NALCN: variants seen among roughly 807,000 people sequenced by gnomAD.
NALCN encodes sodium leak channel NALCN.
NALCN carries 111 observed loss-of-function variants against 225.3 expected under a neutral mutation model. The observed-to-expected ratio is 0.49, with a 90% CI of 0.42 to 0.58. The LOEUF (loss-of-function observed/expected upper bound fraction) is 0.58, where lower values mean the gene tolerates loss of function less well. Among genes scored for constraint, NALCN ranks in the 20% least tolerant of loss-of-function variants. NALCN has a pLI of 0.00. For synonymous variants in NALCN, 764 were observed against 769.0 expected (o/e 0.99, Z 0.11); for missense variants, 1,378 against 2,202.4 (o/e 0.63, Z 7.49).
chr13:101,313,128 T>C (rs1287313654), intron 7 of NALCN, among the ~76,000 whole-genome samples: 1 of 152,128 alleles, frequency 6.6e-6, no homozygotes, highest in African/African-American at 2.4e-5. Context: ...TGGCTAGCCA[T>C]ATGTAGAAAG....
Position 101,309,139 on chromosome 13 carries a change from T to C in NALCN, c.800-16773A>G, listed in dbSNP as rs374409069. ...AGAAAAAGCATTATACTTTAATTTG[T>C]CCCATTTCAAGGCTTTAAAAATCTT... On this transcript the variant is annotated intron_variant, in intron 7 of 43. Transcript: ENST00000251127. 3.3e-5 allele frequency among the ~76,000 whole-genome samples: 5 copies of C among 152,308 alleles called. 1 individual carries two copies. The highest frequency in any genetic ancestry group is 1.9e-4 in the East Asian group (1 of 5,182).
At chr13:101,407,043 T>G (rs2047645030) in intron 1 of NALCN, among the ~76,000 whole-genome samples, 1 of 152,212 alleles carries the variant, frequency 6.6e-6, no homozygotes, top group Admixed American at 6.5e-5. Context: ...TTACAGAGAT[T>G]GTGCAAGAGC....
In NALCN at chr13:101,055,236, CA is replaced by C; in HGVS notation, c.*58del. 1.5e-6 allele frequency: 2 copies of C among 1,369,638 alleles called. No individual in the cohort carries two copies. The highest frequency in any genetic ancestry group is 2.0e-6 in the Non-Finnish European group (2 of 976,388). 84.8% of individuals were successfully genotyped at this position (1,369,638 alleles called of 1,614,324 possible). On this transcript the variant is annotated 3_prime_UTR_variant, in exon 44 of 44. Transcript: ENST00000251127. The stretch of plus-strand genomic sequence containing the variant: ...AATTACAGATTGCTCACTGGACAAT[CA>C]AGGACATTATTAGAAAACGGTTTCC...
chr13:101,332,038 C>T (rs775642982), intron 7 of NALCN, among the ~76,000 whole-genome samples: 4 of 152,016 alleles, frequency 2.6e-5, no homozygotes, highest in African/African-American at 9.7e-5. Context: ...CAACTGAACC[C>T]GCCCATTGTG....
chr13:101,371,270 A>G (rs1450577355), intron 6 of NALCN, among the ~76,000 whole-genome samples: 1 of 152,092 alleles, frequency 6.6e-6, no homozygotes. Flanking sequence ...AAATACCTGG[A>G]GTGGAATAAA....
At chr13:101,061,834 C>T in intron 41 of NALCN, 134 bp downstream of exon 41, 2 of 773,748 alleles carry the variant, frequency 2.6e-6, no homozygotes, top group Non-Finnish European at 4.0e-6. Flanking sequence ...AGGTAGTGGA[C>T]ATAGTTTAAA....
intron 13 of NALCN, among the ~76,000 whole-genome samples, chr13:101,221,360 G>A (rs879806966): frequency 4.0e-5 from 6 of 151,822 alleles, no homozygotes; most frequent in Admixed American, 2.0e-4. Context: ...CTCATGATCC[G>A]CCCACCTCAG....
intron 13 of NALCN, among the ~76,000 whole-genome samples, chr13:101,192,353 A>C (rs986484021): frequency 5.3e-5 from 8 of 152,192 alleles, no homozygotes; most frequent in Non-Finnish European, 1.2e-4. Context: ...TTTTGCCGTT[A>C]ATTTTTTTCC....
chr13:101,313,177 T>C (rs2044416614), intron 7 of NALCN, among the ~76,000 whole-genome samples: 1 of 151,970 alleles, frequency 6.6e-6, no homozygotes, highest in Admixed American at 6.6e-5. Flanking sequence ...ATACAAAAAT[T>C]AATTCAAGAT....
At chr13:101,382,837 G>T (rs2046888309) in intron 3 of NALCN, among the ~76,000 whole-genome samples, 1 of 152,094 alleles carries the variant, frequency 6.6e-6, no homozygotes, top group Non-Finnish European at 1.5e-5. Flanking sequence ...GAAACATATA[G>T]TGGCATTCCT....
At chr13:101,314,270 C>A (rs1301545924) in intron 7 of NALCN, among the ~76,000 whole-genome samples, 1 of 151,706 alleles carries the variant, frequency 6.6e-6, no homozygotes, top group Non-Finnish European at 1.5e-5. Context: ...ATGTAACAAA[C>A]CTGCACGTTG....
chr13:101,206,636 C>G (rs1393255499), intron 13 of NALCN, among the ~76,000 whole-genome samples: 2 of 151,360 alleles, frequency 1.3e-5, no homozygotes, highest in Non-Finnish European at 3.0e-5. Flanking sequence ...TATCAGTCCA[C>G]CTGTTTCCAT....
At chr13:101,121,733 A>T (rs933190377) in intron 18 of NALCN, among the ~76,000 whole-genome samples, 3 of 152,206 alleles carry the variant, frequency 2.0e-5, no homozygotes, top group African/African-American at 7.2e-5. Context: ...TCATTTTTTA[A>T]AAGCCTTCTT....
intron 11 of NALCN, among the ~76,000 whole-genome samples, chr13:101,243,097 T>G (rs1218154803): frequency 9.8e-6 from 1 of 101,932 alleles, no homozygotes; most frequent in Non-Finnish European, 2.2e-5. Flanking sequence ...TTTATGTTTT[T>G]TTTTTTTTTT....
intron 6 of NALCN, among the ~76,000 whole-genome samples, chr13:101,375,176 G>C (rs551004561): frequency 1.3e-5 from 2 of 151,936 alleles, no homozygotes; most frequent in African/African-American, 4.8e-5. Context: ...GCATGTAAGC[G>C]TGTTTACGTA....
chr13:101,130,526 A>G (rs994012447), intron 17 of NALCN, among the ~76,000 whole-genome samples: 5 of 152,216 alleles, frequency 3.3e-5, no homozygotes, highest in African/African-American at 1.2e-4. Context: ...AGGTTCATTG[A>G]AACAAGATTA....
chr13:101,180,820 T>A, intron 14 of NALCN: 1 of 337,782 alleles, frequency 3.0e-6, no homozygotes, highest in South Asian at 2.4e-5. Context: ...TGTGTGGGCA[T>A]CTCCCACGGA....
At chr13:101,118,115 T>C (rs1450115138) in intron 18 of NALCN, among the ~76,000 whole-genome samples, 2 of 152,146 alleles carry the variant, frequency 1.3e-5, no homozygotes, top group Non-Finnish European at 2.9e-5. Flanking sequence ...GGTTCATCAA[T>C]TGTAACAAAT....
intron 15 of NALCN, among the ~76,000 whole-genome samples, chr13:101,149,256 G>A (rs1322226547): frequency 2.0e-5 from 3 of 149,942 alleles, no homozygotes; most frequent in African/African-American, 7.4e-5. Flanking sequence ...TTGTGCCACT[G>A]CACTCCAGCC....
Sources: allele counts gnomAD v4.1 joint callset (sites outside exome capture counted in the v4.1 genomes callset), GRCh38; gene constraint gnomAD v4.1.1; transcripts MANE v1.5; gene names NCBI Gene and HGNC (gene_info 2026-07-23, HGNC 2026-07-21).